PREX1: variants seen among roughly 807,000 people sequenced by gnomAD.
The protein encoded by PREX1 is phosphatidylinositol-3,4,5-trisphosphate dependent Rac exchange factor 1.
A neutral mutation model predicts 198.3 loss-of-function variants in PREX1; 41 were observed. The ratio of observed to expected loss-of-function variants is 0.21; its 90% CI spans 0.16 to 0.27. PREX1 has a LOEUF of 0.27. PREX1 is among the 10% of genes least tolerant of loss of function. The pLI, the probability that PREX1 is intolerant of heterozygous loss-of-function variation, is 1.00. For synonymous variants in PREX1, 843 were observed against 887.2 expected, an observed-to-expected ratio of 0.95 and a Z score of 0.89; for missense variants, 1,620 against 2,200.7, an observed-to-expected ratio of 0.74 and a Z score of 5.28.
At chr20:48,626,488 C>T (rs1332251980) in intron 39 of PREX1, among the ~76,000 whole-genome samples, 1 of 152,240 alleles carries the variant, frequency 6.6e-6, no homozygotes, top group Non-Finnish European at 1.5e-5. Context: ...TGTGCCTTAG[C>T]GTCCCCACCT....
chr20:48,742,998 C>T (rs1024308240), intron 3 of PREX1, among the ~76,000 whole-genome samples: 1 of 152,196 alleles, frequency 6.6e-6, no homozygotes, highest in African/African-American at 2.4e-5. Flanking sequence ...CGGATCATGA[C>T]ATCACAGCCA....
At chr20:48,676,059 A>T in intron 14 of PREX1, 134 bp downstream of exon 14, 2 of 916,330 alleles carry the variant, frequency 2.2e-6, no homozygotes, top group Non-Finnish European at 3.4e-6. Flanking sequence ...AAAAAGATCA[A>T]GATGGTAAAT....
intron 5 of PREX1, among the ~76,000 whole-genome samples, chr20:48,716,214 C>T (rs894811761): frequency 2.6e-5 from 4 of 152,138 alleles, no homozygotes; most frequent in Non-Finnish European, 4.4e-5. Flanking sequence ...TGTGGTTTCG[C>T]GAGTGGGGCC....
chr20:48,821,659 C>G (rs1422597869), intron 1 of PREX1: 1 of 152,234 alleles, frequency 6.6e-6, no homozygotes, highest in Non-Finnish European at 1.5e-5. Context: ...TCTTGCAAAA[C>G]CTTTAAGGGA....
At chr20:48,650,363 G>A (rs953936395) in intron 23 of PREX1, among the ~76,000 whole-genome samples, 157 bp from the exon 24 acceptor site, 1 of 152,250 alleles carries the variant, frequency 6.6e-6, no homozygotes, top group African/African-American at 2.4e-5. Context: ...CCTGGACTGT[G>A]TTTCACGGCT....
intron 1 of PREX1, among the ~76,000 whole-genome samples, chr20:48,819,216 T>A (rs1012458669): frequency 6.6e-6 from 1 of 152,192 alleles, no homozygotes; most frequent in Non-Finnish European, 1.5e-5. Flanking sequence ...ACCATGCATC[T>A]GAGGCCCATG....
At chr20:48,877,966 G>T in the PREX1 span, among the ~76,000 whole-genome samples, 2 of 152,048 alleles carry the variant, frequency 1.3e-5, no homozygotes, top group Admixed American at 6.5e-5. Context: ...AAAATTAGCC[G>T]GGCATGGTGG....
rs193131466 is a variant in PREX1 at position 48,655,320 on chromosome 20, C to T, written c.2179G>A (p.Ala727Thr). 2.3e-4 allele frequency: 362 copies of T among 1,598,196 alleles called. 5 individuals are homozygous for T. The highest frequency in any genetic ancestry group is 1.3e-3 in the Middle Eastern group (8 of 6,020). Reference sequence around the variant, plus strand: ...CCCACAGCATAGACGTACGGTGGGGCAGCTCCACGAATCTGGAAGCACAGT... The same window carrying T: ...CCCACAGCATAGACGTACGGTGGGGTAGCTCCACGAATCTGGAAGCACAGT... ...DTLCFQIRGAAPPYVYAVGRG... is the reference protein window; with the variant it reads ...DTLCFQIRGATPPYVYAVGRG... The change falls in exon 19 of 40, where the codon GCC becomes ACC. Residue 727 changes from alanine to threonine, a missense_variant. Around this residue, in one of 7 missense-constraint regions of PREX1, gnomAD observed 514 missense variants for 611.6 expected, o/e 0.84. Transcript: ENST00000371941.
intron 33 of PREX1, among the ~76,000 whole-genome samples, chr20:48,634,082 GGAC>G: frequency 7.5e-6 from 1 of 133,444 alleles, no homozygotes; most frequent in Non-Finnish European, 1.7e-5. Flanking sequence ...ATGGATGGAT[GGAC>G]GGATGGATGG....
chr20:48,693,188 G>GTCCATCCATCCATCCA (rs10626115), intron 7 of PREX1, among the ~76,000 whole-genome samples: 20 of 150,920 alleles, frequency 1.3e-4, no homozygotes, highest in Non-Finnish European at 2.4e-4. Context: ...CTGGCAGTCC[G>GTCCATCCATCCATCCA]TCCATCCATC....
intron 15 of PREX1, among the ~76,000 whole-genome samples, chr20:48,665,316 GGTT>G: frequency 6.8e-6 from 1 of 146,268 alleles, no homozygotes; most frequent in Non-Finnish European, 1.5e-5. Flanking sequence ...TTCTAATCCT[GGTT>G]CCAGACGGCC....
rs1332693231 is a variant in PREX1, at chr20:48,634,718, C to G, written c.4225G>C (p.Val1409Leu). ...IWVTLSELDN[V>L]TFSFKQLDEN... ...TCCAGCTGCTTAAAGGAGAAGGTGACATTGTCCAGCTCTGACAGCGTCACC... is the reference window on the plus strand; with the variant it reads ...TCCAGCTGCTTAAAGGAGAAGGTGAGATTGTCCAGCTCTGACAGCGTCACC... The change falls in exon 33 of 40, where the codon GTC becomes CTC. Residue 1409 changes from valine to leucine, a missense_variant. Transcript: ENST00000371941. The G allele has an allele frequency of 6.2e-7, 1 of 1,614,240 alleles. No individual in the cohort carries two copies. Among genetic ancestry groups the G allele is most frequent in the South Asian group, 1.1e-5 (1 of 91,090 alleles).
intron 11 of PREX1, among the ~76,000 whole-genome samples, chr20:48,680,989 A>G (rs2089745464): frequency 6.6e-6 from 1 of 152,104 alleles, no homozygotes; most frequent in South Asian, 2.1e-4. Context: ...GGTTCTTGAC[A>G]TTTCTTGAAG....
Position 48,800,308 on chromosome 20 carries a change from G to A in PREX1, c.219+27334C>T, listed in dbSNP as rs181895356. On this transcript the variant is annotated intron_variant, in intron 1 of 39. Coordinates refer to ENST00000371941, the MANE Select transcript of PREX1 (RefSeq NM_020820.4). ...TTGATAAGCCCCTTATCAGTAGGGCGACCAACAGCCCCAGTTTACTGAGGT... is the reference window on the plus strand; with the variant it reads ...TTGATAAGCCCCTTATCAGTAGGGCAACCAACAGCCCCAGTTTACTGAGGT... Among the ~76,000 whole-genome samples, 170 of 152,250 alleles carry A rather than the reference G, an allele frequency of 1.1e-3. 2 individuals are homozygous for A. Among genetic ancestry groups the A allele is most frequent in the Admixed American group, 8.2e-3 (125 of 15,298 alleles).
chr20:48,811,945 G>A (rs115534320), intron 1 of PREX1, among the ~76,000 whole-genome samples: 6 of 152,298 alleles, frequency 3.9e-5, no homozygotes, highest in African/African-American at 1.4e-4. Flanking sequence ...CATCTCAACC[G>A]CAGACCCACT....
At chr20:48,630,606 G>A (rs2089306082) in intron 36 of PREX1, 122 bp downstream of exon 36, 2 of 773,184 alleles carry the variant, frequency 2.6e-6, no homozygotes, top group Admixed American at 4.4e-5. Context: ...AGACTGCAGG[G>A]TCTCAAGGGC....
chr20:48,773,365 C>T (rs1374400853), intron 1 of PREX1, among the ~76,000 whole-genome samples: 1 of 151,982 alleles, frequency 6.6e-6, no homozygotes, highest in Non-Finnish European at 1.5e-5. Flanking sequence ...CCACATCCTA[C>T]CAGAGGCACC....
chr20:48,681,678 A>ATGGATGGATG (rs2089751944), intron 10 of PREX1, among the ~76,000 whole-genome samples: 5 of 150,090 alleles, frequency 3.3e-5, no homozygotes, highest in Admixed American at 6.6e-5. Context: ...GTGACTACAT[A>ATGGATGGATG]GATGGATGGA....
chr20:48,875,626 A>T, the PREX1 span, among the ~76,000 whole-genome samples: 1 of 152,196 alleles, frequency 6.6e-6, no homozygotes, highest in East Asian at 1.9e-4. Flanking sequence ...TAAACATTCA[A>T]GTTCTCAAAA....
Sources: allele counts gnomAD v4.1 joint callset (sites outside exome capture counted in the v4.1 genomes callset), GRCh38; gene constraint gnomAD v4.1.1; regional missense constraint gnomAD v4.1.1; transcripts MANE v1.5; gene names NCBI Gene and HGNC (gene_info 2026-07-23, HGNC 2026-07-21).